The following EXOC4 variants were observed in gnomAD, a reference collection of about 807,000 sequenced individuals.
The protein encoded by EXOC4 is SEC8-like 1.
A neutral mutation model predicts 107.2 loss-of-function variants in EXOC4; 71 were observed. The ratio of observed to expected loss-of-function variants is 0.66; its 90% CI spans 0.55 to 0.81. The LOEUF (loss-of-function observed/expected upper bound fraction) is 0.81. Ranked by LOEUF, EXOC4 falls within the 30% of genes least tolerant of loss-of-function variation. The pLI is 0.00. For missense variants in EXOC4, 1,108 were observed against 1,189.6 expected (o/e 0.93, Z 1.01); for synonymous variants, 456 against 441.2 (o/e 1.03, Z -0.42).
rs138384374 is a variant in EXOC4, at chr7:133,707,027, C to T, written c.1514+76886C>T. Among the ~76,000 whole-genome samples the T allele has an allele frequency of 4.9e-3, 746 of 151,754 alleles. 3 individuals carry two copies. Among genetic ancestry groups the T allele is most frequent in the Middle Eastern group, 0.017 (5 of 286 alleles). On this transcript the variant is annotated intron_variant, in intron 10 of 17. Transcript: ENST00000253861. ...TTTCACTGTCTCTATCCCAGTAAAC[C>T]AGAGCTCTTGTAAGACATGTGTGTG...
Position 133,595,423 on chromosome 7 carries a change from C to G in EXOC4, c.1418-34622C>G, listed in dbSNP as rs950118925. ...TTTATTGCATATGCTATTCTTAAGA[C>G]TTTTCCCACAAATGTCTATTTTGCA... is the stretch of plus-strand genomic sequence containing the variant. On this transcript the variant is annotated intron_variant, in intron 9 of 17. Transcript: ENST00000253861. Among the ~76,000 whole-genome samples the G allele has an allele frequency of 7.2e-5, 11 of 152,174 alleles. 1 individual carries two copies. The highest frequency in any genetic ancestry group is 2.7e-4 in the African/African-American group (11 of 41,446).
intron 14 of EXOC4, among the ~76,000 whole-genome samples, chr7:133,962,585 G>T (rs926112728): frequency 6.6e-6 from 1 of 152,122 alleles, no homozygotes; most frequent in Non-Finnish European, 1.5e-5. Context: ...TTAAAAGGCT[G>T]TGCTCTTATT....
intron 11 of EXOC4, among the ~76,000 whole-genome samples, chr7:133,818,512 T>TA (rs1162441698): frequency 4.6e-5 from 7 of 152,162 alleles, no homozygotes; most frequent in African/African-American, 1.4e-4. Context: ...GCGTCCTAGT[T>TA]ATGAGCATTC....
chr7:134,069,496 TTTC>T (rs941406667), downstream of EXOC4, among the ~76,000 whole-genome samples: 4 of 151,744 alleles, frequency 2.6e-5, no homozygotes, highest in Non-Finnish European at 4.4e-5. Context: ...CTTCTTCTCC[TTTC>T]TTCTTTCTTC....
intron 14 of EXOC4, among the ~76,000 whole-genome samples, chr7:133,957,158 A>C (rs1274509620): frequency 6.6e-6 from 1 of 152,126 alleles, no homozygotes; most frequent in African/African-American, 2.4e-5. Context: ...GCTTTTCTTC[A>C]TTTCTTCATT....
chr7:133,725,901 T>G, intron 10 of EXOC4, among the ~76,000 whole-genome samples: 1 of 152,112 alleles, frequency 6.6e-6, no homozygotes, highest in Non-Finnish European at 1.5e-5. Flanking sequence ...GCATGTGTGG[T>G]GTAAAAGACA....
intron 10 of EXOC4, among the ~76,000 whole-genome samples, chr7:133,774,336 G>A (rs1002044094): frequency 1.4e-4 from 22 of 152,036 alleles, no homozygotes; most frequent in South Asian, 4.2e-4. Flanking sequence ...CTTAGTGTTT[G>A]TAAAGGTTTA....
At chr7:133,761,851 C>T (rs1221656094) in intron 10 of EXOC4, among the ~76,000 whole-genome samples, 1 of 152,176 alleles carries the variant, frequency 6.6e-6, no homozygotes, top group Non-Finnish European at 1.5e-5. Flanking sequence ...CCTGTACTGA[C>T]CAAGTGAACA....
intron 2 of EXOC4, among the ~76,000 whole-genome samples, chr7:133,286,362 A>C (rs1794276577): frequency 1.3e-5 from 2 of 152,020 alleles, no homozygotes; most frequent in Non-Finnish European, 2.9e-5. Context: ...AGCTTCTGTT[A>C]TTTTTCCTAA....
At chr7:133,647,907 G>C (rs1426820871) in intron 10 of EXOC4, among the ~76,000 whole-genome samples, 1 of 152,212 alleles carries the variant, frequency 6.6e-6, no homozygotes, top group East Asian at 1.9e-4. Context: ...CTGCATTCCA[G>C]ATAGTTCCCA....
intron 7 of EXOC4, among the ~76,000 whole-genome samples, chr7:133,420,752 T>G (rs1797586286): frequency 6.6e-6 from 1 of 151,978 alleles, no homozygotes; most frequent in Admixed American, 6.6e-5. Flanking sequence ...CAAAGAAGGT[T>G]GATTTAGAGG....
At chr7:133,270,091 G>C (rs1409243765) in intron 1 of EXOC4, among the ~76,000 whole-genome samples, 1 of 152,138 alleles carries the variant, frequency 6.6e-6, no homozygotes, top group East Asian at 1.9e-4. Context: ...TCGTGATAGT[G>C]AATGAGTTTC....
chr7:133,703,458 G>A (rs1794707323), intron 10 of EXOC4, among the ~76,000 whole-genome samples: 1 of 152,192 alleles, frequency 6.6e-6, no homozygotes. Flanking sequence ...GCTGGAGGAT[G>A]AGCAGAACAG....
chr7:133,328,549 C>T (rs1795304087), intron 5 of EXOC4, among the ~76,000 whole-genome samples: 1 of 152,096 alleles, frequency 6.6e-6, no homozygotes, highest in African/African-American at 2.4e-5. Flanking sequence ...TATGTTTTTG[C>T]AGTGGTTGGT....
At chr7:133,482,169 A>G (rs1221578094) in intron 9 of EXOC4, among the ~76,000 whole-genome samples, 1 of 152,088 alleles carries the variant, frequency 6.6e-6, no homozygotes, top group African/African-American at 2.4e-5. Flanking sequence ...AGTCCTAATT[A>G]TTTTCTTTCT....
At chr7:133,428,509 ATTCTGTTCTATTCTG>A (rs1385084937) in intron 7 of EXOC4, among the ~76,000 whole-genome samples, 1 of 152,126 alleles carries the variant, frequency 6.6e-6, no homozygotes, top group East Asian at 1.9e-4. Context: ...CTAATATTCT[ATTCTGTTCTATTCTG>A]TTCTGTTCTG....
intron 9 of EXOC4, among the ~76,000 whole-genome samples, chr7:133,539,469 C>G (rs1800338965): frequency 6.6e-6 from 1 of 151,946 alleles, no homozygotes; most frequent in Non-Finnish European, 1.5e-5. Flanking sequence ...CTGAAATGAA[C>G]TTCCTTTGGC....
chr7:133,542,183 G>GTGTA (rs1800393804), intron 9 of EXOC4, among the ~76,000 whole-genome samples: 1 of 151,626 alleles, frequency 6.6e-6, no homozygotes, highest in South Asian at 2.1e-4. Flanking sequence ...GTGTGTGTGT[G>GTGTA]TGTGTGTGTG....
intron 10 of EXOC4, among the ~76,000 whole-genome samples, chr7:133,717,286 A>G (rs1562922094): frequency 6.6e-6 from 1 of 152,252 alleles, no homozygotes; most frequent in Non-Finnish European, 1.5e-5. Context: ...TAATTTTATC[A>G]ATGATAGGAA....
Sources: gnomAD v4.1 joint callset for allele counts (sites outside exome capture counted in the v4.1 genomes callset) on GRCh38, gnomAD v4.1.1 for gene constraint, MANE v1.5 for transcripts, NCBI Gene and HGNC (gene_info 2026-07-23, HGNC 2026-07-21) for gene names.